TMPRSS15: variants seen among roughly 807,000 people sequenced by gnomAD.
TMPRSS15 encodes enteropeptidase.
TMPRSS15 carries 128 observed loss-of-function variants against 125.3 expected under a neutral mutation model. That is an observed-to-expected ratio of 1.02 (90% CI 0.89 to 1.18). The LOEUF is 1.18. Ranked by LOEUF, TMPRSS15 falls within the 50% of genes most tolerant of loss-of-function variation. The pLI is 0.00. For synonymous variants in TMPRSS15, 446 were observed against 423.2 expected, an observed-to-expected ratio of 1.05 and a Z score of -0.66; for missense variants, 1,283 against 1,212.7, an observed-to-expected ratio of 1.06 and a Z score of -0.86.
rs767178876 is a variant in TMPRSS15 at position 18,341,575 on chromosome 21, G to T, written c.1429-27C>A. 3.7e-6 allele frequency: 6 copies of T among 1,612,744 alleles called. No individual in the cohort carries two copies. In the East Asian group the frequency reaches 8.9e-5, roughly 24 times the overall value. On this transcript the variant is annotated intron_variant, in intron 12 of 24. Transcript: ENST00000284885. Reference sequence around the variant, plus strand: ...TGCAATTCAGAGAGGCATATGAAACGATTTGATTCCATTCTAATCTTCTCT... The same window carrying T: ...TGCAATTCAGAGAGGCATATGAAACTATTTGATTCCATTCTAATCTTCTCT...
At chr21:18,405,833 G>A (rs2076150205), upstream of TMPRSS15, among the ~76,000 whole-genome samples, 1 of 151,988 alleles carries the variant, frequency 6.6e-6, no homozygotes, top group African/African-American at 2.4e-5. Context: ...AGGTATTGAA[G>A]GAATTTTTAG....
intron 3 of TMPRSS15, 108 bp downstream of exon 3, chr21:18,397,771 A>T: frequency 1.6e-6 from 1 of 622,578 alleles, no homozygotes; most frequent in Non-Finnish European, 2.7e-6. Context: ...AAAAATGTTG[A>T]AAAATTTAAA....
At chr21:18,423,571 G>A (rs1275502600) in intron 1 of TMPRSS15, among the ~76,000 whole-genome samples, 1 of 151,444 alleles carries the variant, frequency 6.6e-6, no homozygotes, top group African/African-American at 2.4e-5. Flanking sequence ...ACCACACCCG[G>A]CTAATTTTTT....
At chr21:18,327,538 G>A (rs1375862377) in intron 15 of TMPRSS15, among the ~76,000 whole-genome samples, 1 of 152,002 alleles carries the variant, frequency 6.6e-6, no homozygotes, top group African/African-American at 2.4e-5. Context: ...TCTACATAAG[G>A]GTTGACTGAT....
rs141541020 is a variant in TMPRSS15 at position 18,409,683 on chromosome 21, G to C, written c.11-11354C>G. Among the ~76,000 whole-genome samples, 655 of 152,016 alleles carry C rather than the reference G, an allele frequency of 4.3e-3. 6 individuals are homozygous for C. Among genetic ancestry groups the C allele is most frequent in the African/African-American group, 0.015 (631 of 41,474 alleles). On this transcript the variant is annotated intron_variant, in intron 1 of 7. Coordinates refer to the TMPRSS15 transcript ENST00000422787. Reference sequence around the variant, plus strand: ...CTATTTTATTCAAATTCTGGATTTTGTTACTGGGTTCTTATTGTCTTCAAC... The same window carrying C: ...CTATTTTATTCAAATTCTGGATTTTCTTACTGGGTTCTTATTGTCTTCAAC...
intron 22 of TMPRSS15, among the ~76,000 whole-genome samples, chr21:18,279,899 C>T (rs1048468760): frequency 2.6e-5 from 4 of 152,086 alleles, no homozygotes; most frequent in Non-Finnish European, 5.9e-5. Flanking sequence ...TGGTCACTGA[C>T]TTTTAAAGCC....
At chr21:18,474,144 T>TAC (rs1353004612) in intron 1 of TMPRSS15, among the ~76,000 whole-genome samples, 1 of 152,120 alleles carries the variant, frequency 6.6e-6, no homozygotes, top group Non-Finnish European at 1.5e-5. Flanking sequence ...TATATATATA[T>TAC]ACCCATATAT....
chr21:18,378,362 C>A (rs1234886945), intron 5 of TMPRSS15, among the ~76,000 whole-genome samples: 1 of 151,972 alleles, frequency 6.6e-6, no homozygotes, highest in Non-Finnish European at 1.5e-5. Context: ...TGGATATAAC[C>A]TAAATACAAC....
At chr21:18,345,719 C>T (rs7283087) in intron 10 of TMPRSS15, among the ~76,000 whole-genome samples, 1 of 106,674 alleles carries the variant, frequency 9.4e-6, no homozygotes, top group Non-Finnish European at 1.9e-5. Context: ...CCAGCCTAGG[C>T]GACAGAGTGA....
intron 21 of TMPRSS15, among the ~76,000 whole-genome samples, chr21:18,282,454 A>G (rs2074712797): frequency 6.6e-6 from 1 of 152,212 alleles, no homozygotes; most frequent in African/African-American, 2.4e-5. Context: ...TTAATGTGGT[A>G]TTTAAATATT....
chr21:18,363,740 G>GA (rs776002356), intron 7 of TMPRSS15, among the ~76,000 whole-genome samples: 9 of 152,074 alleles, frequency 5.9e-5, no homozygotes, highest in Non-Finnish European at 1.2e-4. Flanking sequence ...TTCTGCATCA[G>GA]AAAAATGCTT....
intron 8 of TMPRSS15, among the ~76,000 whole-genome samples, chr21:18,354,527 G>A (rs547495441): frequency 6.6e-6 from 1 of 151,534 alleles, no homozygotes; most frequent in East Asian, 1.9e-4. Flanking sequence ...TTGCTTTTAT[G>A]AAAATGTACA....
At position 18,275,231 on chromosome 21, in the gene TMPRSS15, G is replaced by A. The variant is rs756524523; in HGVS notation, c.2870C>T (p.Ala957Val). ...ATCTATTCCTCCTTCTTCATAGCCT[G>A]CACATATCATATTTTCAGTAATGTT... ...EYNITENMIC[A>V]GYEEGGIDSC... The change falls in exon 24 of 25, where the codon GCA becomes GTA. Residue 957 changes from alanine to valine, a missense_variant. Physicochemically the swap from Ala to Val is moderately conservative, Grantham distance 64 (BLOSUM62 0). Transcript: ENST00000284885. 1.9e-6 allele frequency: 3 copies of A among 1,613,858 alleles called. No homozygotes were observed. Among genetic ancestry groups the A allele is most frequent in the African/African-American group, 2.7e-5 (2 of 74,898 alleles).
intron 21 of TMPRSS15, among the ~76,000 whole-genome samples, chr21:18,292,343 GC>G (rs2074848388): frequency 6.6e-6 from 1 of 152,100 alleles, no homozygotes; most frequent in Non-Finnish European, 1.5e-5. Flanking sequence ...CGATCTTTTT[GC>G]ACTGCACTCT....
chr21:18,354,938 C>T (rs1368421744), intron 8 of TMPRSS15, among the ~76,000 whole-genome samples: 1 of 151,660 alleles, frequency 6.6e-6, no homozygotes, highest in Non-Finnish European at 1.5e-5. Context: ...TATTAGATAT[C>T]TTGTGATTAT....
chr21:18,333,991 A>G (rs945198752), intron 13 of TMPRSS15, among the ~76,000 whole-genome samples: 10 of 152,152 alleles, frequency 6.6e-5, no homozygotes, highest in Admixed American at 2.6e-4. Flanking sequence ...ATTCTTTTCT[A>G]TTATGAAAGG....
At chr21:18,474,286 C>T (rs923571485) in intron 1 of TMPRSS15, among the ~76,000 whole-genome samples, 1 of 150,848 alleles carries the variant, frequency 6.6e-6, no homozygotes, top group Admixed American at 6.6e-5. Context: ...AAAAGATATA[C>T]ATTTTGCTAT....
chr21:18,449,649 C>T (rs149726065), intron 1 of TMPRSS15, among the ~76,000 whole-genome samples: 82 of 152,156 alleles, frequency 5.4e-4, no homozygotes, highest in Non-Finnish European at 9.6e-4. Context: ...GACGAGACCC[C>T]AGTACAATTA....
chr21:18,403,285 G>A (rs1035471922), intron 1 of TMPRSS15, among the ~76,000 whole-genome samples, 193 bp downstream of exon 1: 1 of 152,156 alleles, frequency 6.6e-6, no homozygotes, highest in African/African-American at 2.4e-5. Flanking sequence ...AATATTCTCT[G>A]AAGGGAACTA....
Sources: allele counts gnomAD v4.1 joint callset (sites outside exome capture counted in the v4.1 genomes callset), GRCh38; gene constraint gnomAD v4.1.1; transcripts MANE v1.5; gene names NCBI Gene and HGNC (gene_info 2026-07-23, HGNC 2026-07-21).